Variants in INTS14 observed in about 807,000 individuals in gnomAD.
The protein encoded by INTS14 is UPF0464 protein C15orf44.
Under a neutral mutation model 56.9 loss-of-function variants are expected in INTS14, and 27 were observed. That is an observed-to-expected ratio of 0.47 (90% CI 0.35 to 0.65). The LOEUF (loss-of-function observed/expected upper bound fraction) is 0.65, where lower values mean the gene tolerates loss of function less well. INTS14 is among the 30% of genes least tolerant of loss of function. The probability of loss-of-function intolerance (pLI) is 0.00; values close to 1 mark genes in which losing one functional copy is unlikely to be tolerated. For missense variants in INTS14, 517 were observed against 632.2 expected (o/e 0.82, Z 1.95); for synonymous variants, 207 against 236.2 (o/e 0.88, Z 1.13).
rs536466009 is a variant in INTS14 at position 65,603,724 on chromosome 15, C to A, written c.330+1405G>T. Among the ~76,000 whole-genome samples the A allele has an allele frequency of 3.3e-5, 5 of 152,250 alleles. No homozygotes were observed. In the East Asian group the frequency reaches 9.6e-4, roughly 29 times the overall value. On this transcript the variant is annotated intron_variant, in intron 3 of 11. Coordinates refer to ENST00000313182, the MANE Select transcript of INTS14 (RefSeq NM_001394796.1). ...AGTCACACACCAGGGTCCAGCCAAC[C>A]ATGGCCCACAGGCTAAATTTGGCCC...
At chr15:65,606,393 C>T (rs186830232) in intron 2 of INTS14, among the ~76,000 whole-genome samples, 22 of 151,572 alleles carry the variant, frequency 1.5e-4, no homozygotes, top group African/African-American at 5.1e-4. Context: ...AGTTTAATTC[C>T]ACAAATGCTT....
rs1236262897 is a variant in INTS14, at chr15:65,579,308, T to TA, written c.*99_*100insT. The TA allele has an allele frequency of 2.0e-5, 30 of 1,502,678 alleles. No homozygotes were observed. The African/African-American group carries it at 4.0e-4, about 20-fold the overall frequency. The allele number at this position is 1,502,678 out of a possible 1,614,324, so 93.1% of individuals were successfully genotyped here. On this transcript the variant is annotated 3_prime_UTR_variant, in exon 12 of 12. Transcript: ENST00000313182. Reference sequence around the variant, plus strand: ...TGCTTCTGAGGCAGCCTCAGGAAGGTCTTTGGGTGGCTATTCTAGAGGTGA... The same window carrying TA: ...TGCTTCTGAGGCAGCCTCAGGAAGGTACTTTGGGTGGCTATTCTAGAGGTGA...
At chr15:65,595,354 G>A (rs140559541) in intron 7 of INTS14, among the ~76,000 whole-genome samples, 18 of 152,320 alleles carry the variant, frequency 1.2e-4, no homozygotes, top group Non-Finnish European at 2.4e-4. Context: ...AAGAACAGAT[G>A]TGATTCTTCC....
intron 9 of INTS14, among the ~76,000 whole-genome samples, chr15:65,590,028 C>A (rs1273344779): frequency 1.3e-5 from 2 of 152,216 alleles, no homozygotes; most frequent in Non-Finnish European, 2.9e-5. Flanking sequence ...TTTCACCCTG[C>A]AGCCCAGGTC....
intron 10 of INTS14, among the ~76,000 whole-genome samples, chr15:65,584,553 C>G (rs2072747380): frequency 6.6e-6 from 1 of 152,130 alleles, no homozygotes; most frequent in African/African-American, 2.4e-5. Context: ...TTCCTCCTTC[C>G]TCTAGGATTC....
intron 6 of INTS14, among the ~76,000 whole-genome samples, chr15:65,597,463 C>T (rs2073254850): frequency 6.6e-6 from 1 of 152,236 alleles, no homozygotes; most frequent in Non-Finnish European, 1.5e-5. Context: ...GGAAGCAAGT[C>T]TCCTCTCCAC....
At chr15:65,607,668 A>G (rs555864486) in intron 1 of INTS14, among the ~76,000 whole-genome samples, 1 of 152,258 alleles carries the variant, frequency 6.6e-6, no homozygotes, top group East Asian at 1.9e-4. Context: ...CCATCTAAAT[A>G]TATCTACTGG....
In INTS14 at chr15:65,598,473, G is replaced by A; in HGVS notation, c.606-10C>T. 1 of 1,611,918 alleles carries A rather than the reference G, an allele frequency of 6.2e-7. No homozygotes were observed. Among genetic ancestry groups the A allele is most frequent in the Non-Finnish European group, 8.5e-7 (1 of 1,178,548 alleles). ...CAAATCTATCAGTTTTCTAGAATAT[G>A]ATAATTAATAGTTATAGGAAGAGTA... On this transcript the variant is annotated splice_polypyrimidine_tract_variant and intron_variant, in intron 5 of 11. Transcript: ENST00000313182.
chr15:65,598,630 T>C (rs1378113574), intron 5 of INTS14, 167 bp from the exon 6 acceptor site: 1 of 838,054 alleles, frequency 1.2e-6, no homozygotes, highest in East Asian at 2.7e-5. Context: ...ATTTCAATTC[T>C]GAAAAGCCCA....
intron 10 of INTS14, among the ~76,000 whole-genome samples, chr15:65,583,083 G>A (rs1228671746): frequency 6.6e-6 from 1 of 152,210 alleles, no homozygotes; most frequent in Non-Finnish European, 1.5e-5. Flanking sequence ...CTTATACACT[G>A]CTAGCAGAAA....
At chr15:65,609,626 T>C (rs528872730) in intron 1 of INTS14, among the ~76,000 whole-genome samples, 1 of 152,328 alleles carries the variant, frequency 6.6e-6, no homozygotes, top group South Asian at 2.1e-4. Flanking sequence ...AAATACATTA[T>C]AAATGTTAAC....
In INTS14 at chr15:65,593,425, T is replaced by C; in HGVS notation, c.986+3A>G. 1.2e-6 allele frequency: 2 copies of C among 1,608,248 alleles called. No homozygotes were observed. The highest frequency in any genetic ancestry group is 2.2e-5 in the South Asian group (2 of 89,398). On this transcript the variant is annotated splice_donor_region_variant and intron_variant, in intron 8 of 11. Coordinates refer to ENST00000313182, the MANE Select transcript of INTS14 (RefSeq NM_001394796.1). ...TCAACCAAATGTAAACAAAGTTTCCTACCCTAATTGAACAATCGCTACCAT... is the reference window on the plus strand; with the variant it reads ...TCAACCAAATGTAAACAAAGTTTCCCACCCTAATTGAACAATCGCTACCAT...
At chr15:65,588,578 G>C (rs532575399) in intron 9 of INTS14, among the ~76,000 whole-genome samples, 1 of 151,668 alleles carries the variant, frequency 6.6e-6, no homozygotes, top group South Asian at 2.1e-4. Context: ...AGAGGCAGAA[G>C]AATTGCTTGA....
rs1161287414 is a variant in INTS14 at position 65,579,544 on chromosome 15, T to G, written c.1421A>C (p.Asp474Ala). 1 of 1,614,204 alleles carries G rather than the reference T, an allele frequency of 6.2e-7. No homozygotes were observed. Among genetic ancestry groups the G allele is most frequent in the Non-Finnish European group, 8.5e-7 (1 of 1,180,024 alleles). ...AGCATGGGTCAGCTGGAATGCAGCA[T>G]CAGGGTGGGCTGTCTCAGGCAGCAG... ...CTLLPETAHP[D>A]AAFQLTHAAQ... The change falls in exon 12 of 12, where the codon GAT becomes GCT. Residue 474 changes from aspartate (D) to alanine (A), a missense_variant. By Grantham distance (126) the Asp-to-Ala change is moderately radical. Transcript: ENST00000313182.
intron 11 of INTS14, among the ~76,000 whole-genome samples, chr15:65,581,420 T>C (rs375363837): frequency 2.1e-5 from 2 of 97,448 alleles, no homozygotes; most frequent in South Asian, 2.7e-4. Context: ...TGGTGGCACG[T>C]GCCTGTAGTA....
At chr15:65,598,546 C>T (rs2073303231) in intron 5 of INTS14, 83 bp from the exon 6 acceptor site, 2 of 1,389,162 alleles carry the variant, frequency 1.4e-6, no homozygotes, top group African/African-American at 1.5e-5. Flanking sequence ...GGTTGTTTTC[C>T]TTTCAAGTTG....
chr15:65,606,794 G>T (rs2073670679), intron 2 of INTS14, among the ~76,000 whole-genome samples: 1 of 151,998 alleles, frequency 6.6e-6, no homozygotes, highest in Admixed American at 6.6e-5. Context: ...AATAAGAAAG[G>T]GCTATTTTTT....
At chr15:65,582,315 GA>G (rs781174643) in intron 10 of INTS14, among the ~76,000 whole-genome samples, 2 of 152,078 alleles carry the variant, frequency 1.3e-5, no homozygotes, top group African/African-American at 4.8e-5. Flanking sequence ...ATTCAATGGG[GA>G]AAAAATAGTC....
At chr15:65,589,335 T>C (rs2072940703) in intron 9 of INTS14, among the ~76,000 whole-genome samples, 1 of 152,148 alleles carries the variant, frequency 6.6e-6, no homozygotes, top group Admixed American at 6.5e-5. Flanking sequence ...TTTTTGTATT[T>C]TTGGTAGAGA....
Sources: allele counts gnomAD v4.1 joint callset (sites outside exome capture counted in the v4.1 genomes callset), GRCh38; gene constraint gnomAD v4.1.1; transcripts MANE v1.5; gene names NCBI Gene and HGNC (gene_info 2026-07-23, HGNC 2026-07-21).